Variants in L3HYPDH observed in about 807,000 individuals in gnomAD.
L3HYPDH encodes the protein trans-3-hydroxy-L-proline dehydratase.
L3HYPDH carries 32 observed loss-of-function variants against 26.5 expected under a neutral mutation model. That is an observed-to-expected ratio of 1.21 (90% CI 0.91 to 1.62). The LOEUF is 1.62. L3HYPDH is among the 40% of genes most tolerant of loss of function. The pLI is 0.00. For missense variants in L3HYPDH, 554 were observed against 476.4 expected, an observed-to-expected ratio of 1.16 and a Z score of -1.52; for synonymous variants, 215 against 196.6, an observed-to-expected ratio of 1.09 and a Z score of -0.78.
At chr14:59,480,296 C>T (rs183526279) in intron 1 of L3HYPDH, among the ~76,000 whole-genome samples, 38 of 152,218 alleles carry the variant, frequency 2.5e-4, no homozygotes, top group East Asian at 7.7e-4. Flanking sequence ...GCAGAGAGGA[C>T]GTGTGTTAAC....
chr14:59,475,225 A>G (rs1889549595), intron 4 of L3HYPDH: 1 of 152,092 alleles, frequency 6.6e-6, no homozygotes, highest in Non-Finnish European at 1.5e-5. Flanking sequence ...AAAACCCCAA[A>G]TCCTAATGGT....
the L3HYPDH span, among the ~76,000 whole-genome samples, chr14:59,502,163 A>G: frequency 6.6e-6 from 1 of 152,140 alleles, no homozygotes; most frequent in Non-Finnish European, 1.5e-5. Flanking sequence ...TAAAATAATT[A>G]TATTTATTAT....
chr14:59,485,037 A>C (rs1890421466), upstream of L3HYPDH: 1 of 1,598,190 alleles, frequency 6.3e-7, no homozygotes. Context: ...AAAAAATGGA[A>C]TCTTAAAACT....
At chr14:59,484,413 A>T (rs112576857), upstream of L3HYPDH, 9,419 of 1,407,750 alleles carry the variant, frequency 6.7e-3, 490 homozygotes, top group African/African-American at 0.12. Flanking sequence ...GACGCTAACC[A>T]GCCACGTCCG....
At chr14:59,475,319 A>G (rs1889556918) in intron 4 of L3HYPDH, 2 of 152,226 alleles carry the variant, frequency 1.3e-5, no homozygotes, top group African/African-American at 4.8e-5. Context: ...AGTTATATCT[A>G]TCAATATTTA....
At chr14:59,498,606 C>G in the L3HYPDH span, 1 of 583,144 alleles carries the variant, frequency 1.7e-6, no homozygotes, top group Non-Finnish European at 2.9e-6. Flanking sequence ...TCTGAATATC[C>G]AATGGATAGA....
intron 2 of L3HYPDH, among the ~76,000 whole-genome samples, chr14:59,478,183 C>G (rs1433354383): frequency 1.3e-5 from 2 of 152,192 alleles, no homozygotes; most frequent in Non-Finnish European, 2.9e-5. Context: ...AATGACCACA[C>G]ACATGCATTT....
At chr14:59,502,755 T>TGTTTTGTTTTGTTTTGTTTTG in the L3HYPDH span, among the ~76,000 whole-genome samples, 8 of 122,952 alleles carry the variant, frequency 6.5e-5, no homozygotes, top group South Asian at 2.7e-4. Flanking sequence ...ATGAGATTTT[T>TGTTTTGTTTTGTTTTGTTTTG]TTTTTTTTTT....
At chr14:59,492,797 A>ATT in the L3HYPDH span, among the ~76,000 whole-genome samples, 93 of 131,990 alleles carry the variant, frequency 7.0e-4, 2 homozygotes, top group East Asian at 9.0e-3. Flanking sequence ...GAGAGCTGCT[A>ATT]TTTTTTTTTT....
chr14:59,481,904 A>G (rs113482756), intron 1 of L3HYPDH, among the ~76,000 whole-genome samples: 6,131 of 152,300 alleles, frequency 0.04, 161 homozygotes, highest in Non-Finnish European at 0.058. Flanking sequence ...AATTCCACGT[A>G]TGGGGAGTTC....
At chr14:59,487,806 G>A, upstream of L3HYPDH, 1 of 1,613,630 alleles carries the variant, frequency 6.2e-7, no homozygotes, top group Non-Finnish European at 8.5e-7. Context: ...GTTCTTCATT[G>A]AATGGTACTC....
At chr14:59,486,824 C>T (rs1195069722), upstream of L3HYPDH, 1 of 1,401,458 alleles carries the variant, frequency 7.1e-7, no homozygotes, top group South Asian at 1.3e-5. Context: ...ATGTTTGTAT[C>T]TTATTTCATT....
chr14:59,498,665 T>C, the L3HYPDH span: 1 of 909,496 alleles, frequency 1.1e-6, no homozygotes, highest in Non-Finnish European at 1.6e-6. Context: ...TTAAAAATGA[T>C]CAAGATTAAA....
At chr14:59,465,919 G>C (rs889024916) in intron 1 of L3HYPDH, among the ~76,000 whole-genome samples, 1 of 152,184 alleles carries the variant, frequency 6.6e-6, no homozygotes, top group Non-Finnish European at 1.5e-5. Flanking sequence ...CCAAGAATTT[G>C]TATCTCTAAC....
downstream of L3HYPDH, among the ~76,000 whole-genome samples, chr14:59,468,624 GC>G (rs1483949455): frequency 3.3e-5 from 5 of 152,052 alleles, no homozygotes; most frequent in Non-Finnish European, 7.4e-5. Context: ...ATAATTTTTT[GC>G]GTGATTATCT....
chr14:59,495,693 T>C, the L3HYPDH span, among the ~76,000 whole-genome samples: 6 of 152,214 alleles, frequency 3.9e-5, no homozygotes, highest in Admixed American at 1.3e-4. Flanking sequence ...ATCAAATTCA[T>C]TTTGATATTT....
the L3HYPDH span, among the ~76,000 whole-genome samples, chr14:59,496,035 C>T: frequency 6.6e-6 from 1 of 152,166 alleles, no homozygotes; most frequent in African/African-American, 2.4e-5. Context: ...TCCCAAGTAG[C>T]TGGGATTACA....
chr14:59,495,296 G>C, the L3HYPDH span: 1 of 1,206,152 alleles, frequency 8.3e-7, no homozygotes, highest in Non-Finnish European at 1.2e-6. Context: ...ATTTTATGGC[G>C]TTTGGAGACA....
chr14:59,499,636 A>G, the L3HYPDH span, among the ~76,000 whole-genome samples: 1 of 152,144 alleles, frequency 6.6e-6, no homozygotes, highest in African/African-American at 2.4e-5. Flanking sequence ...TCTTTTGAAT[A>G]TGTGACATTG....
Sources: allele counts gnomAD v4.1 joint callset (sites outside exome capture counted in the v4.1 genomes callset), GRCh38; gene constraint gnomAD v4.1.1; transcripts MANE v1.5; gene names NCBI Gene and HGNC (gene_info 2026-07-23, HGNC 2026-07-21).